Variants in CAGE1 observed in about 807,000 individuals in gnomAD.
CAGE1 encodes the protein cancer antigen 1.
In CAGE1, 66 loss-of-function variants were observed where a neutral mutation model predicts 94.9. The observed-to-expected ratio is 0.70, with a 90% CI of 0.57 to 0.85. The LOEUF (loss-of-function observed/expected upper bound fraction) is 0.85. Ranked by LOEUF, CAGE1 falls within the 40% of genes least tolerant of loss-of-function variation. The probability of loss-of-function intolerance (pLI) is 0.00; values close to 1 mark genes in which losing one functional copy is unlikely to be tolerated. For missense variants in CAGE1, 865 were observed against 950.4 expected (o/e 0.91, Z 1.18); for synonymous variants, 319 against 321.0 (o/e 0.99, Z 0.07).
chr6:7,334,071 GTTTA>G lies in CAGE1; in HGVS notation c.2385_2388del (p.Lys796IlefsTer2). ...GGCTTTCTAATTAAATCCTCTAAAT[GTTTA>G]TTTCTCTCTTCCAAACTGAAAGAAG... On this transcript the variant is annotated frameshift_variant, in exon 12 of 14. Coordinates refer to ENST00000502583, the MANE Select transcript of CAGE1 (RefSeq NM_001170692.2). LOFTEE classifies it high-confidence loss of function. 6.5e-7 allele frequency: 1 copy of G among 1,535,448 alleles called. No homozygotes were observed.
chr6:7,385,981 G>A, intron 2 of CAGE1, 109 bp from the exon 3 acceptor site: 1 of 552,314 alleles, frequency 1.8e-6, no homozygotes, highest in Non-Finnish European at 3.0e-6. Flanking sequence ...TCATTACATA[G>A]GTAGAATGTG....
chr6:7,344,852 G>A (rs558293223), intron 11 of CAGE1, among the ~76,000 whole-genome samples: 1 of 152,140 alleles, frequency 6.6e-6, no homozygotes, highest in Non-Finnish European at 1.5e-5. Flanking sequence ...ATTCTGGTGG[G>A]GCCTTGGAGA....
intron 11 of CAGE1, among the ~76,000 whole-genome samples, chr6:7,337,595 A>G (rs1467716398): frequency 6.6e-6 from 1 of 152,202 alleles, no homozygotes; most frequent in East Asian, 1.9e-4. Context: ...CAATGATTTC[A>G]GCACCATTTG....
chr6:7,372,193 T>G (rs982881816), intron 5 of CAGE1, among the ~76,000 whole-genome samples: 3 of 152,072 alleles, frequency 2.0e-5, no homozygotes, highest in Non-Finnish European at 2.9e-5. Flanking sequence ...ACCCTGGGGT[T>G]GGGCGCAGTG....
At position 7,389,474 on chromosome 6, in the gene CAGE1, C is replaced by G; in HGVS notation, c.-296G>C. 2.6e-6 allele frequency: 1 copy of G among 386,360 alleles called. No individual in the cohort carries two copies. Among genetic ancestry groups the G allele is most frequent in the Non-Finnish European group, 5.1e-6 (1 of 194,428 alleles). The allele number at this position is 386,360 out of a possible 1,614,324, so 23.9% of individuals were successfully genotyped here. A position where few individuals can be genotyped will look rare whatever the true frequency, so the allele number is the denominator to read the frequency against. On this transcript the variant is annotated 5_prime_UTR_variant, in exon 1 of 14. Transcript: ENST00000502583. The stretch of plus-strand genomic sequence containing the variant: ...CCGCGCCGGGGGAACTCCGCAGAGA[C>G]AGGTGCAGCCCGCGAGGCCCGAGCG...
chr6:7,348,175 A>AC (rs1248005434), intron 11 of CAGE1, among the ~76,000 whole-genome samples: 2 of 151,646 alleles, frequency 1.3e-5, no homozygotes, highest in African/African-American at 2.4e-5. Flanking sequence ...AGTCCATTTC[A>AC]CCCCCCTGCC....
intron 12 of CAGE1, chr6:7,331,432 C>T: frequency 1.9e-6 from 1 of 532,034 alleles, no homozygotes. Flanking sequence ...CTACCAAAGA[C>T]TGTTCCAATA....
intron 11 of CAGE1, among the ~76,000 whole-genome samples, chr6:7,337,765 A>T (rs1759014259): frequency 6.6e-6 from 1 of 152,190 alleles, no homozygotes; most frequent in Non-Finnish European, 1.5e-5. Flanking sequence ...GTAGCTCTAT[A>T]AAAAGTCTTA....
intron 4 of CAGE1, among the ~76,000 whole-genome samples, chr6:7,376,175 G>A (rs747602220): frequency 2.0e-4 from 31 of 151,708 alleles, no homozygotes; most frequent in Non-Finnish European, 2.6e-4. Flanking sequence ...GGATCGCAAC[G>A]TCAGGAGATT....
At chr6:7,382,499 C>T (rs1054753323) in intron 3 of CAGE1, among the ~76,000 whole-genome samples, 1 of 150,330 alleles carries the variant, frequency 6.7e-6, no homozygotes, top group Non-Finnish European at 1.5e-5. Context: ...GCGGGGGTTT[C>T]ACCATATTGG....
chr6:7,373,689 T>C lies in CAGE1; in HGVS notation c.1130A>G (p.Asp377Gly), dbSNP rs1355113986. ...DKYKIILEKN[D>G]TKKTLQNLEE... Reference sequence around the variant, plus strand: ...CAAATTCTGCAATGTCTTTTTAGTATCATTCTTCTCTAGGATTATTTTGTA... The same window carrying C: ...CAAATTCTGCAATGTCTTTTTAGTACCATTCTTCTCTAGGATTATTTTGTA... Residue 377 changes from aspartate (D) to glycine (G), a missense_variant, in exon 5 of 14, where the codon GAT (aspartate) becomes GGT (glycine). Physicochemically the swap from Asp to Gly is moderately conservative, Grantham distance 94. Coordinates refer to ENST00000502583, the MANE Select transcript of CAGE1 (RefSeq NM_001170692.2). 6.2e-7 allele frequency: 1 copy of C among 1,613,084 alleles called. No homozygotes were observed. The highest frequency in any genetic ancestry group is 1.3e-5 in the African/African-American group (1 of 75,054).
intron 12 of CAGE1, among the ~76,000 whole-genome samples, chr6:7,333,135 G>C (rs886939529): frequency 6.6e-6 from 1 of 152,008 alleles, no homozygotes; most frequent in African/African-American, 2.4e-5. Flanking sequence ...ATTTTTAGTA[G>C]AGACAGGGTT....
At position 7,339,053 on chromosome 6, in the gene CAGE1, C is replaced by A; in HGVS notation, c.2370-4963G>T. On this transcript the variant is annotated intron_variant, in intron 11 of 13. Transcript: ENST00000502583. The surrounding 1 kb of genome is among the most constrained non-coding windows in gnomAD (Gnocchi z 4.7). ...CACTCTGTCTGAGCAACACATGGCG[C>A]ACAGCAGTGTCAACGTAGTAGTTAA... 5 of 1,605,752 alleles carry A rather than the reference C, an allele frequency of 3.1e-6. No individual in the cohort carries two copies. Among genetic ancestry groups the A allele is most frequent in the Non-Finnish European group, 4.3e-6 (5 of 1,173,762 alleles).
intron 3 of CAGE1, among the ~76,000 whole-genome samples, chr6:7,380,978 T>G (rs920433916): frequency 2.6e-5 from 4 of 152,220 alleles, no homozygotes; most frequent in Admixed American, 1.3e-4. Flanking sequence ...GTTCCTTTGC[T>G]CTACACATCT....
chr6:7,359,598 G>A (rs1760103210), intron 9 of CAGE1, among the ~76,000 whole-genome samples: 1 of 152,198 alleles, frequency 6.6e-6, no homozygotes, highest in African/African-American at 2.4e-5. Context: ...TCCTTTTGGA[G>A]AGCTGCTCCC....
rs149021046 is a variant in CAGE1, at chr6:7,353,283, A to T, written c.2369+1758T>A. On this transcript the variant is annotated intron_variant, in intron 11 of 13. Transcript: ENST00000502583. ...TATACAAGTGGCCAACAAACATATGACAAAATGCTCAACATCACTAATGAT... is the reference window on the plus strand; with the variant it reads ...TATACAAGTGGCCAACAAACATATGTCAAAATGCTCAACATCACTAATGAT... Among the ~76,000 whole-genome samples, 300 of 152,348 alleles carry T rather than the reference A, an allele frequency of 2.0e-3. 2 individuals are homozygous for T. The highest frequency in any genetic ancestry group is 3.1e-3 in the Non-Finnish European group (213 of 68,022).
At chr6:7,348,387 C>T (rs905509869) in intron 11 of CAGE1, among the ~76,000 whole-genome samples, 31 of 152,196 alleles carry the variant, frequency 2.0e-4, no homozygotes, top group African/African-American at 7.0e-4. Flanking sequence ...AGCACCCCAT[C>T]AAGGGAACAC....
intron 9 of CAGE1, among the ~76,000 whole-genome samples, chr6:7,357,222 C>G (rs1006954756): frequency 6.6e-6 from 1 of 152,164 alleles, no homozygotes; most frequent in African/African-American, 2.4e-5. Flanking sequence ...AGGACAATAT[C>G]AAATCAGTGG....
At chr6:7,377,380 A>G (rs963416038) in intron 4 of CAGE1, among the ~76,000 whole-genome samples, 2 of 152,258 alleles carry the variant, frequency 1.3e-5, no homozygotes, top group African/African-American at 2.4e-5. Context: ...TACTTTCAAA[A>G]AAATGAAAAT....
Sources: gnomAD v4.1 joint callset for allele counts (sites outside exome capture counted in the v4.1 genomes callset) on GRCh38, gnomAD v4.1.1 for gene constraint, Gnocchi (gnomAD v3.1) non-coding constraint, MANE v1.5 for transcripts, NCBI Gene and HGNC (gene_info 2026-07-23, HGNC 2026-07-21) for gene names.